MAP7D1: variants seen among roughly 807,000 people sequenced by gnomAD.
MAP7D1 encodes the protein MAP7 domain-containing protein 1.
MAP7D1 carries 30 observed loss-of-function variants against 97.5 expected under a neutral mutation model. The observed-to-expected ratio is 0.31, with a 90% CI of 0.23 to 0.42. The LOEUF is 0.42. MAP7D1 is among the 10% of genes least tolerant of loss of function. The pLI, the probability that MAP7D1 is intolerant of heterozygous loss-of-function variation, is 1.00. For synonymous variants in MAP7D1, 536 were observed against 477.1 expected, an observed-to-expected ratio of 1.12 and a Z score of -1.61; for missense variants, 1,184 against 1,179.5, an observed-to-expected ratio of 1.00 and a Z score of -0.06.
At position 36,176,739 on chromosome 1, in the gene MAP7D1, A is replaced by G; in HGVS notation, c.1276A>G (p.Lys426Glu). Reference sequence around the variant, plus strand: ...GAAGGACAAGGAGCGGGAAAACGAGAAGGAGAAGAGTGCCCTAGCCCGGGA... The same window carrying G: ...GAAGGACAAGGAGCGGGAAAACGAGGAGGAGAAGAGTGCCCTAGCCCGGGA... ...EKKDKERENE[K>E]EKSALARERS... is the part of the protein sequence containing the mutation. Residue 426 changes from lysine (K) to glutamate (E), a missense_variant, in exon 8 of 17, where the codon AAG (lysine) becomes GAG (glutamate). Coordinates refer to ENST00000474796, the MANE Select transcript of MAP7D1 (RefSeq NM_001388490.1). This position sits in a 1 kb window ranked among gnomAD's most constrained non-coding sequence, Gnocchi z 6.1. 1 of 1,604,908 alleles carries G rather than the reference A, an allele frequency of 6.2e-7. No homozygotes were observed. The highest frequency in any genetic ancestry group is 1.1e-5 in the South Asian group (1 of 89,290).
chr1:36,165,259 G>A (rs1419992304), intron 1 of MAP7D1, among the ~76,000 whole-genome samples: 1 of 152,000 alleles, frequency 6.6e-6, no homozygotes, highest in South Asian at 2.1e-4. Context: ...AACTAGCTGA[G>A]ACTACAGGTG....
chr1:36,177,495 G>T (rs1217282499), intron 8 of MAP7D1: 5 of 490,968 alleles, frequency 1.0e-5, no homozygotes, highest in East Asian at 1.2e-4. Context: ...CTGCACTCCA[G>T]CCTGGGGGTC....
chr1:36,167,700 C>G (rs1206056185), intron 1 of MAP7D1, among the ~76,000 whole-genome samples: 1 of 152,212 alleles, frequency 6.6e-6, no homozygotes, highest in African/African-American at 2.4e-5. Context: ...ACTCTGAAGC[C>G]TGTGACCTTT....
chr1:36,176,084 C>A lies in MAP7D1; in HGVS notation c.851-115C>A, dbSNP rs1386049653. 8.4e-6 allele frequency: 10 copies of A among 1,186,052 alleles called. No homozygotes were observed. In the East Asian group the frequency reaches 2.8e-4, roughly 33 times the overall value. The allele number at this position is 1,186,052 out of a possible 1,614,324, so 73.5% of individuals were successfully genotyped here. A position where few individuals can be genotyped will look rare whatever the true frequency, so the allele number is the denominator to read the frequency against. ...CCGGTGTGATTGTGGGGAGAGGACT[C>A]CCGGGTGAGAAGCCTTGGCCTTGGC... On this transcript the variant is annotated intron_variant, in intron 6 of 16. Coordinates refer to ENST00000474796, the MANE Select transcript of MAP7D1 (RefSeq NM_001388490.1). This position sits in a 1 kb window ranked among gnomAD's most constrained non-coding sequence, Gnocchi z 6.1.
intron 1 of MAP7D1, among the ~76,000 whole-genome samples, chr1:36,166,064 C>T (rs1480241466): frequency 6.6e-6 from 1 of 152,024 alleles, no homozygotes; most frequent in Non-Finnish European, 1.5e-5. Flanking sequence ...TAAGGGAAGG[C>T]TCCATTTAAA....
At chr1:36,178,648 C>CA in intron 10 of MAP7D1, 37 bp from the exon 11 acceptor site, 1 of 1,536,242 alleles carries the variant, frequency 6.5e-7, no homozygotes, top group Non-Finnish European at 8.8e-7. Flanking sequence ...GGAGAAGAAG[C>CA]AGAGGCCGAG....
chr1:36,168,559 T>A (rs1644501495), intron 1 of MAP7D1, among the ~76,000 whole-genome samples: 1 of 152,002 alleles, frequency 6.6e-6, no homozygotes, highest in African/African-American at 2.4e-5. Flanking sequence ...CAGGCAGCCG[T>A]CTCCTGCTGG....
chr1:36,177,611 A>G, intron 8 of MAP7D1: 1 of 709,332 alleles, frequency 1.4e-6, no homozygotes, highest in African/African-American at 1.8e-5. Context: ...TTGCTGAGCT[A>G]ACCCAAGCAT....
intron 6 of MAP7D1, among the ~76,000 whole-genome samples, chr1:36,175,770 G>A (rs1644608852): frequency 6.6e-6 from 1 of 152,224 alleles, no homozygotes; most frequent in African/African-American, 2.4e-5. Context: ...TAAAAGCTGG[G>A]TCAGAGGAGC....
rs774097482 is a variant in MAP7D1, at chr1:36,159,374, CATT to C, written c.46+2915_46+2917del. Among the ~76,000 whole-genome samples the C allele has an allele frequency of 6.6e-6, 1 of 152,074 alleles. No individual in the cohort carries two copies. Among genetic ancestry groups the C allele is most frequent in the African/African-American group, 2.4e-5 (1 of 41,408 alleles). On this transcript the variant is annotated intron_variant, in intron 1 of 16. Coordinates refer to ENST00000474796, the MANE Select transcript of MAP7D1 (RefSeq NM_001388490.1). This position sits in a 1 kb window ranked among gnomAD's most constrained non-coding sequence, Gnocchi z 5.4. Reference sequence around the variant, plus strand: ...CCCAGCCTAGCTATTTGTTTTTTGTCATTATTTTTAATTCCGTCAGAAGCCTGA... The same window carrying C: ...CCCAGCCTAGCTATTTGTTTTTTGTCATTTTTAATTCCGTCAGAAGCCTGA...
At position 36,171,591 on chromosome 1, in the gene MAP7D1, C is replaced by A; in HGVS notation, c.460+10C>A. On this transcript the variant is annotated intron_variant, in intron 3 of 16. Coordinates refer to ENST00000474796, the MANE Select transcript of MAP7D1 (RefSeq NM_001388490.1). Reference sequence around the variant, plus strand: ...CGGGCCAAGTACCTGGGTGAGTGAGCAGGAAGCCTCATCATCTTCTTCATC... The same window carrying A: ...CGGGCCAAGTACCTGGGTGAGTGAGAAGGAAGCCTCATCATCTTCTTCATC... 6.2e-7 allele frequency: 1 copy of A among 1,613,850 alleles called. No homozygotes were observed. Among genetic ancestry groups the A allele is most frequent in the Non-Finnish European group, 8.5e-7 (1 of 1,179,826 alleles).
At chr1:36,174,302 TG>T (rs1479152181) in intron 5 of MAP7D1, among the ~76,000 whole-genome samples, 1 of 152,240 alleles carries the variant, frequency 6.6e-6, no homozygotes, top group Non-Finnish European at 1.5e-5. Flanking sequence ...TCGATCTGTT[TG>T]TGGCTTGTGT....
intron 1 of MAP7D1, among the ~76,000 whole-genome samples, chr1:36,170,681 A>G (rs537095883): frequency 2.0e-5 from 3 of 152,160 alleles, no homozygotes; most frequent in African/African-American, 7.2e-5. Context: ...CCCTCCCCAT[A>G]TAGGTTAACT....
chr1:36,166,389 C>CT (rs536815195), intron 1 of MAP7D1, among the ~76,000 whole-genome samples: 4,767 of 132,222 alleles, frequency 0.036, 125 homozygotes, highest in African/African-American at 0.043. Flanking sequence ...GTGATCTGAC[C>CT]TTTTTTTTTT....
chr1:36,156,396 G>A lies in MAP7D1; in HGVS notation c.-22G>A. ...GCCGCCGCCGCCGCTGAGACCCCGA[G>A]ACCCCCAGTGACGCCGCAGCCATGG... On this transcript the variant is annotated 5_prime_UTR_variant, in exon 1 of 17. Transcript: ENST00000474796. 3.4e-6 allele frequency: 5 copies of A among 1,485,664 alleles called. No individual in the cohort carries two copies. Among genetic ancestry groups the A allele is most frequent in the South Asian group, 1.3e-5 (1 of 79,188 alleles). The allele number at this position is 1,485,664 out of a possible 1,614,324, so 92.0% of individuals were successfully genotyped here. A position where few individuals can be genotyped will look rare whatever the true frequency, so the allele number is the denominator to read the frequency against.
chr1:36,172,833 T>G (rs1644565302), intron 4 of MAP7D1, among the ~76,000 whole-genome samples: 1 of 152,246 alleles, frequency 6.6e-6, no homozygotes, highest in African/African-American at 2.4e-5. Context: ...AATGTGCCAC[T>G]GTAGGCCCCT....
In MAP7D1 at chr1:36,179,993, C is replaced by T. The variant is rs1644694410; in HGVS notation, c.2438C>T (p.Pro813Leu). ...GGGGACAAGAGTCTGAGCCGAACAC[C>T]AGAGACACTCCTGCCCTTTGCAGAG... is the stretch of plus-strand genomic sequence containing the variant. The part of the protein sequence containing the change: ...PSGDKSLSRT[P>L]ETLLPFAEAE... Residue 813 changes from proline (P) to leucine (L), a missense_variant, in exon 16 of 17, where the codon CCA (proline) becomes CTA (leucine). Coordinates refer to ENST00000474796, the MANE Select transcript of MAP7D1 (RefSeq NM_001388490.1). 6.2e-7 allele frequency: 1 copy of T among 1,614,216 alleles called. No individual in the cohort carries two copies. The highest frequency in any genetic ancestry group is 8.5e-7 in the Non-Finnish European group (1 of 1,180,034).
At chr1:36,156,602 T>G (rs1557768259) in intron 1 of MAP7D1, 139 bp downstream of exon 1, 3 of 626,688 alleles carry the variant, frequency 4.8e-6, no homozygotes, top group East Asian at 3.6e-5. Context: ...AAATAAAGGC[T>G]GCGGCGGCGG....
intron 1 of MAP7D1, among the ~76,000 whole-genome samples, chr1:36,170,646 G>A (rs1644528563): frequency 6.6e-6 from 1 of 152,150 alleles, no homozygotes; most frequent in South Asian, 2.1e-4. Context: ...TCGGATCTCA[G>A]CTTGGTTGTT....
Sources: gnomAD v4.1 joint callset for allele counts (sites outside exome capture counted in the v4.1 genomes callset) on GRCh38, gnomAD v4.1.1 for gene constraint, Gnocchi (gnomAD v3.1) non-coding constraint, MANE v1.5 for transcripts, NCBI Gene and HGNC (gene_info 2026-07-23, HGNC 2026-07-21) for gene names.